The following DEFB123 variants were observed in gnomAD, a reference collection of about 807,000 sequenced individuals.
DEFB123 encodes the protein beta-defensin 123.
For missense variants in DEFB123, 71 were observed against 75.0 expected, an observed-to-expected ratio of 0.95 and a Z score of 0.20; for synonymous variants, 22 against 28.3, an observed-to-expected ratio of 0.78 and a Z score of 0.71.
intron 1 of DEFB123, among the ~76,000 whole-genome samples, chr20:31,447,218 C>T (rs763290090): frequency 6.6e-5 from 10 of 151,878 alleles, no homozygotes; most frequent in East Asian, 3.8e-4. Context: ...GCTGAGATTG[C>T]GCCATTGCAC....
chr20:31,447,411 GAA>G (rs1979616730), intron 1 of DEFB123, among the ~76,000 whole-genome samples: 1 of 152,130 alleles, frequency 6.6e-6, no homozygotes, highest in African/African-American at 2.4e-5. Context: ...TCTTCTGCCT[GAA>G]TAACTTCCTT....
chr20:31,450,116 A>C lies in DEFB123; in HGVS notation c.146A>C (p.Asn49Thr). 4 of 1,613,312 alleles carry C rather than the reference A, an allele frequency of 2.5e-6. No homozygotes were observed. The Middle Eastern group carries it at 6.6e-4, about 266-fold the overall frequency. Residue 49 changes from asparagine (N) to threonine (T), a missense_variant, in exon 2 of 2, where the codon AAT (asparagine) becomes ACT (threonine). Transcript: ENST00000376309. Reference sequence around the variant, plus strand: ...AGAGTCTATGTTTACTGCATAAATAATAAAATGTGCTGCGTGAAGCCCAAG... The same window carrying C: ...AGAGTCTATGTTTACTGCATAAATACTAAAATGTGCTGCGTGAAGCCCAAG... The part of the protein sequence containing the change: ...KERVYVYCIN[N>T]KMCCVKPKYQ...
chr20:31,449,767 CAAAAAAAAAAAAAAAAA>C (rs59939526), intron 1 of DEFB123, among the ~76,000 whole-genome samples: 2 of 52,484 alleles, frequency 3.8e-5, no homozygotes, highest in Non-Finnish European at 7.9e-5. Flanking sequence ...AGACTCATCT[CAAAAAAAAAAAAAAAAA>C]AAAAAAAAGA....
chr20:31,449,194 G>T (rs1161812507), intron 1 of DEFB123, among the ~76,000 whole-genome samples: 1 of 150,426 alleles, frequency 6.6e-6, no homozygotes, highest in African/African-American at 2.4e-5. Context: ...CTGGTTATGG[G>T]TCATATTTTC....
intron 1 of DEFB123, among the ~76,000 whole-genome samples, chr20:31,448,065 C>T (rs1030500336): frequency 2.6e-5 from 4 of 151,842 alleles, no homozygotes. Context: ...GGATTACAGG[C>T]GTGAGCCACC....
At chr20:31,446,142 G>A (rs913066333) in intron 1 of DEFB123, among the ~76,000 whole-genome samples, 19 of 152,174 alleles carry the variant, frequency 1.2e-4, no homozygotes, top group Non-Finnish European at 1.9e-4. Context: ...GGTTGGGGGC[G>A]CAGGAGGAGT....
At chr20:31,449,930 C>A (rs973724751) in intron 1 of DEFB123, 99 bp from the exon 2 acceptor site, 69 of 1,371,232 alleles carry the variant, frequency 5.0e-5, no homozygotes, top group Non-Finnish European at 6.2e-5. Context: ...AAACAAGGGA[C>A]CTTCTATCTC....
intron 1 of DEFB123, among the ~76,000 whole-genome samples, chr20:31,442,360 C>G (rs1979483267): frequency 6.6e-6 from 1 of 152,170 alleles, no homozygotes; most frequent in African/African-American, 2.4e-5. Context: ...TTGCTTCATT[C>G]AGTAAATACA....
intron 1 of DEFB123, among the ~76,000 whole-genome samples, chr20:31,448,443 C>T (rs1979646858): frequency 6.6e-6 from 1 of 151,908 alleles, no homozygotes; most frequent in Admixed American, 6.6e-5. Flanking sequence ...AAATACTTTT[C>T]CTGCCCCTCC....
chr20:31,447,980 G>T (rs1979632794), intron 1 of DEFB123, among the ~76,000 whole-genome samples: 1 of 151,886 alleles, frequency 6.6e-6, no homozygotes, highest in Non-Finnish European at 1.5e-5. Context: ...TAGAGACGGG[G>T]TTTCACTGTG....
At chr20:31,445,164 A>T (rs1172021950) in intron 1 of DEFB123, among the ~76,000 whole-genome samples, 1 of 152,226 alleles carries the variant, frequency 6.6e-6, no homozygotes, top group Non-Finnish European at 1.5e-5. Context: ...CCTGCAAATC[A>T]GCACCTGTAT....
chr20:31,448,068 G>C (rs986208816), intron 1 of DEFB123, among the ~76,000 whole-genome samples: 1 of 151,940 alleles, frequency 6.6e-6, no homozygotes, highest in Non-Finnish European at 1.5e-5. Flanking sequence ...TTACAGGCGT[G>C]AGCCACCACG....
chr20:31,448,263 T>G (rs1386103023), intron 1 of DEFB123, among the ~76,000 whole-genome samples: 1 of 152,180 alleles, frequency 6.6e-6, no homozygotes, highest in African/African-American at 2.4e-5. Flanking sequence ...GTGTCTTTTC[T>G]TCTGGCTTTT....
At chr20:31,444,393 A>T (rs73116222) in intron 1 of DEFB123, among the ~76,000 whole-genome samples, 12,274 of 152,120 alleles carry the variant, frequency 0.081, 597 homozygotes, top group Non-Finnish European at 0.11. Context: ...TTCTCCCCTC[A>T]TTAGACTGGA....
At chr20:31,448,932 T>C (rs990573064) in intron 1 of DEFB123, among the ~76,000 whole-genome samples, 2 of 150,578 alleles carry the variant, frequency 1.3e-5, no homozygotes, top group Admixed American at 6.6e-5. Context: ...TTCTCCACGT[T>C]GGTCAGGCTG....
At chr20:31,441,146 A>G (rs1979453874) in intron 1 of DEFB123, among the ~76,000 whole-genome samples, 1 of 152,244 alleles carries the variant, frequency 6.6e-6, no homozygotes, top group Non-Finnish European at 1.5e-5. Flanking sequence ...ATTTGTACTT[A>G]GCTGTCTCTG....
At chr20:31,444,768 A>G (rs1049712617) in intron 1 of DEFB123, among the ~76,000 whole-genome samples, 1 of 152,208 alleles carries the variant, frequency 6.6e-6, no homozygotes, top group Non-Finnish European at 1.5e-5. Flanking sequence ...ATAAGTGCAC[A>G]TCTTTGTAAC....
rs116896589 is a variant in DEFB123, at chr20:31,443,525, T to C, written c.58+2769T>C. Reference sequence around the variant, plus strand: ...CTCTAAGAGGCAGAGAGTAAGTGTCTTCTGCGTTGGCAATTTCTTTCGACC... The same window carrying C: ...CTCTAAGAGGCAGAGAGTAAGTGTCCTCTGCGTTGGCAATTTCTTTCGACC... On this transcript the variant is annotated intron_variant, in intron 1 of 1. Coordinates refer to ENST00000376309, the MANE Select transcript of DEFB123 (RefSeq NM_153324.4). Among the ~76,000 whole-genome samples the C allele has an allele frequency of 4.9e-3, 745 of 152,348 alleles. 5 individuals carry two copies. The highest frequency in any genetic ancestry group is 8.2e-3 in the Non-Finnish European group (560 of 68,034).
At chr20:31,441,055 G>A (rs1979452024) in intron 1 of DEFB123, among the ~76,000 whole-genome samples, 1 of 152,230 alleles carries the variant, frequency 6.6e-6, no homozygotes, top group Admixed American at 6.5e-5. Context: ...GGAGAGGCAG[G>A]TATGGCCCTT....
Sources: allele counts gnomAD v4.1 joint callset (sites outside exome capture counted in the v4.1 genomes callset), GRCh38; gene constraint gnomAD v4.1.1; transcripts MANE v1.5; gene names NCBI Gene and HGNC (gene_info 2026-07-23, HGNC 2026-07-21).